ERICH1: variants seen among roughly 807,000 people sequenced by gnomAD.
The protein encoded by ERICH1 is glutamate-rich protein 1.
A neutral mutation model predicts 39.6 loss-of-function variants in ERICH1; 56 were observed. The observed-to-expected ratio is 1.41, with a 90% CI of 1.14 to 1.77. ERICH1 has a LOEUF of 1.77. ERICH1 is among the 40% of genes most tolerant of loss of function. The pLI, the probability that ERICH1 is intolerant of heterozygous loss-of-function variation, is 0.00. For missense variants in ERICH1, 826 were observed against 575.4 expected (o/e 1.44, Z -4.45); for synonymous variants, 313 against 223.6 (o/e 1.40, Z -3.57).
At chr8:623,902 T>C (rs1241670633) in intron 3 of ERICH1, among the ~76,000 whole-genome samples, 1 of 152,186 alleles carries the variant, frequency 6.6e-6, no homozygotes, top group East Asian at 1.9e-4. Flanking sequence ...GTAGATAAAT[T>C]GGCTACATTA....
chr8:726,517 G>T (rs541429922), intron 1 of ERICH1, among the ~76,000 whole-genome samples: 1 of 121,268 alleles, frequency 8.2e-6, no homozygotes, highest in African/African-American at 3.3e-5. Flanking sequence ...TAGGCAAACA[G>T]CCAGACACTC....
At chr8:621,865 C>G (rs756700110) in intron 3 of ERICH1, among the ~76,000 whole-genome samples, 2 of 152,056 alleles carry the variant, frequency 1.3e-5, no homozygotes, top group African/African-American at 2.4e-5. Flanking sequence ...ACATAAACTA[C>G]CCAAACCAAC....
chr8:721,436 C>A (rs751585986), intron 1 of ERICH1, among the ~76,000 whole-genome samples: 1 of 152,234 alleles, frequency 6.6e-6, no homozygotes, highest in Admixed American at 6.5e-5. Flanking sequence ...AGAGACCTCA[C>A]GGACACGGCG....
At chr8:718,630 C>G (rs1334939153) in intron 1 of ERICH1, among the ~76,000 whole-genome samples, 1 of 152,222 alleles carries the variant, frequency 6.6e-6, no homozygotes, top group Non-Finnish European at 1.5e-5. Flanking sequence ...TCAGGGATAA[C>G]TGACATGGCA....
At chr8:624,610 GTCACAA>G (rs1797491966) in intron 3 of ERICH1, among the ~76,000 whole-genome samples, 2 of 152,208 alleles carry the variant, frequency 1.3e-5, no homozygotes, top group Non-Finnish European at 1.5e-5. Flanking sequence ...TCTCAGGAAA[GTCACAA>G]TCCTGGCAGA....
intron 1 of ERICH1, among the ~76,000 whole-genome samples, chr8:728,289 C>G (rs541070789): frequency 6.6e-6 from 1 of 152,314 alleles, no homozygotes; most frequent in East Asian, 1.9e-4. Context: ...AGGAGCAAGT[C>G]CTGTATGGCT....
At position 721,437 on chromosome 8, in the gene ERICH1, G is replaced by A. The variant is rs114658733; in HGVS notation, c.23-5430C>T. Among the ~76,000 whole-genome samples, 405 of 152,300 alleles carry A rather than the reference G, an allele frequency of 2.7e-3. 1 individual carries two copies. Among genetic ancestry groups the A allele is most frequent in the African/African-American group, 9.2e-3 (383 of 41,556 alleles). On this transcript the variant is annotated intron_variant, in intron 1 of 5. Transcript: ENST00000262109. ...AGGTTGGGGCTGGGAGAGACCTCAC[G>A]GACACGGCGCCACTTGGGTTTAGCA...
At chr8:659,038 C>T (rs796660876) in intron 3 of ERICH1, among the ~76,000 whole-genome samples, 16 of 110,052 alleles carry the variant, frequency 1.5e-4, no homozygotes, top group Admixed American at 4.8e-4. Context: ...TCGAGATCTC[C>T]GGTGTGCACT....
chr8:672,195 C>G (rs1175957879), intron 4 of ERICH1: 1 of 152,294 alleles, frequency 6.6e-6, no homozygotes, highest in African/African-American at 2.4e-5. Flanking sequence ...GACTGTTGGT[C>G]TGCCCCAAGC....
chr8:627,381 G>A (rs547767186), intron 3 of ERICH1: 3 of 362,842 alleles, frequency 8.3e-6, no homozygotes, highest in Non-Finnish European at 1.7e-5. Context: ...ACCTCACTGA[G>A]AGCCTCGACT....
intron 1 of ERICH1, among the ~76,000 whole-genome samples, chr8:726,244 C>T (rs1296969366): frequency 6.6e-6 from 1 of 152,206 alleles, no homozygotes; most frequent in African/African-American, 2.4e-5. Context: ...AGGCAAGTTG[C>T]AGGGTACAGC....
chr8:679,924 CCT>C (rs1411320248), intron 3 of ERICH1, among the ~76,000 whole-genome samples: 13 of 58,296 alleles, frequency 2.2e-4, no homozygotes, highest in Admixed American at 3.0e-4. Context: ...AGCTGCCACC[CCT>C]GTGAACACAG....
At chr8:624,459 C>T (rs547402663) in intron 3 of ERICH1, among the ~76,000 whole-genome samples, 11 of 152,340 alleles carry the variant, frequency 7.2e-5, no homozygotes, top group Non-Finnish European at 1.2e-4. Context: ...AAAGCTTGTA[C>T]GTGATTGCTC....
intron 2 of ERICH1, among the ~76,000 whole-genome samples, chr8:695,909 C>G (rs369324020): frequency 1.2e-4 from 9 of 72,488 alleles, no homozygotes; most frequent in South Asian, 6.5e-4. Context: ...AGCCTGCACT[C>G]GCTCCTCTCA....
chr8:687,829 AGAGGCCCCGGATGCAGCGGTCCCGCCCC>A (rs1053141007), intron 3 of ERICH1, among the ~76,000 whole-genome samples: 2 of 152,106 alleles, frequency 1.3e-5, no homozygotes, highest in African/African-American at 2.4e-5. Context: ...CGAGGCGCGG[AGAGGCCCCGGATGCAGCGGTCCCGCCCC>A]GAGAACGGAG....
intron 3 of ERICH1, among the ~76,000 whole-genome samples, chr8:629,439 GAC>G (rs1797804700): frequency 2.8e-5 from 4 of 141,142 alleles, no homozygotes; most frequent in Non-Finnish European, 6.1e-5. Context: ...CACCCACACA[GAC>G]AGAGCTGACT....
At chr8:728,321 C>T (rs1278520901) in intron 1 of ERICH1, among the ~76,000 whole-genome samples, 1 of 152,194 alleles carries the variant, frequency 6.6e-6, no homozygotes, top group Non-Finnish European at 1.5e-5. Flanking sequence ...CACGAGATGT[C>T]CTGACAGGCA....
intron 2 of ERICH1, among the ~76,000 whole-genome samples, chr8:711,619 T>C (rs1669618): frequency 1.3e-5 from 2 of 151,682 alleles, no homozygotes; most frequent in African/African-American, 4.9e-5. Context: ...TGCCTCAGCC[T>C]ACCGAGTGGC....
chr8:654,511 TTA>T (rs1800367188), intron 3 of ERICH1, among the ~76,000 whole-genome samples: 1 of 152,190 alleles, frequency 6.6e-6, no homozygotes, highest in Non-Finnish European at 1.5e-5. Flanking sequence ...AGCTGTGACA[TTA>T]TGTTTTATGT....
Sources: allele counts gnomAD v4.1 joint callset (sites outside exome capture counted in the v4.1 genomes callset), GRCh38; gene constraint gnomAD v4.1.1; transcripts MANE v1.5; gene names NCBI Gene and HGNC (gene_info 2026-07-23, HGNC 2026-07-21).